CDH8: variants seen among roughly 807,000 people sequenced by gnomAD.
CDH8 encodes the protein cadherin-8.
A neutral mutation model predicts 68.1 loss-of-function variants in CDH8; 17 were observed. The ratio of observed to expected loss-of-function variants is 0.25; its 90% confidence interval spans 0.17 to 0.37. The LOEUF (loss-of-function observed/expected upper bound fraction) is 0.37, where lower values mean the gene tolerates loss of function less well. CDH8 is among the 10% of genes least tolerant of loss of function. The pLI is 1.00. For synonymous variants in CDH8, 372 were observed against 365.1 expected (o/e 1.02, Z -0.21); for missense variants, 763 against 999.3 (o/e 0.76, Z 3.19).
intron 10 of CDH8, among the ~76,000 whole-genome samples, chr16:61,694,441 ATGATGGAGTTTAGTCATATTGGGG>A (rs1168294965): frequency 2.0e-5 from 3 of 152,206 alleles, no homozygotes; most frequent in African/African-American, 7.2e-5. Context: ...CATAATGGGG[ATGATGGAGTTTAGTCATATTGGGG>A]TGATGGAGTT....
intron 2 of CDH8, among the ~76,000 whole-genome samples, chr16:61,927,878 T>C (rs1451740180): frequency 3.3e-5 from 5 of 152,216 alleles, no homozygotes; most frequent in Admixed American, 6.5e-5. Flanking sequence ...AGTTAAAATA[T>C]TTGAAAATCA....
chr16:62,013,435 T>C (rs1408958385), intron 2 of CDH8, among the ~76,000 whole-genome samples: 1 of 152,162 alleles, frequency 6.6e-6, no homozygotes, highest in African/African-American at 2.4e-5. Flanking sequence ...TGGCTCATTA[T>C]TTTTGTAAAT....
At chr16:61,877,004 A>G (rs769078237) in intron 3 of CDH8, among the ~76,000 whole-genome samples, 5 of 152,164 alleles carry the variant, frequency 3.3e-5, no homozygotes, top group Non-Finnish European at 7.3e-5. Flanking sequence ...CAATACTACT[A>G]TATAACATAT....
At chr16:61,816,813 C>T (rs979411791) in intron 7 of CDH8, among the ~76,000 whole-genome samples, 1 of 151,822 alleles carries the variant, frequency 6.6e-6, no homozygotes, top group African/African-American at 2.4e-5. Flanking sequence ...GACAGAAAAG[C>T]TTTAATAAAG....
At chr16:61,793,360 G>A (rs1961423326) in intron 7 of CDH8, among the ~76,000 whole-genome samples, 1 of 151,682 alleles carries the variant, frequency 6.6e-6, no homozygotes, top group South Asian at 2.1e-4. Context: ...CATCACCCAG[G>A]TCTTAAGCCT....
chr16:61,779,968 G>A (rs962738016), intron 8 of CDH8, among the ~76,000 whole-genome samples: 1 of 152,120 alleles, frequency 6.6e-6, no homozygotes, highest in African/African-American at 2.4e-5. Context: ...CATATATTCT[G>A]CAGTTAAACA....
chr16:61,996,690 T>C (rs548002806), intron 2 of CDH8, among the ~76,000 whole-genome samples: 1 of 152,296 alleles, frequency 6.6e-6, no homozygotes, highest in East Asian at 1.9e-4. Flanking sequence ...AATTATATTA[T>C]ATCAATCAGG....
At chr16:61,904,097 G>A (rs1275595323) in intron 2 of CDH8, among the ~76,000 whole-genome samples, 1 of 152,036 alleles carries the variant, frequency 6.6e-6, no homozygotes, top group African/African-American at 2.4e-5. Flanking sequence ...CCTATTATTT[G>A]TATCACACAC....
chr16:61,735,760 A>G (rs1959661207), intron 8 of CDH8, among the ~76,000 whole-genome samples: 1 of 152,052 alleles, frequency 6.6e-6, no homozygotes, highest in African/African-American at 2.4e-5. Context: ...AAAAATTAGG[A>G]AAAGTACTTT....
chr16:61,938,112 G>C (rs919960603), intron 2 of CDH8: 1 of 152,084 alleles, frequency 6.6e-6, no homozygotes, highest in Non-Finnish European at 1.5e-5. Flanking sequence ...AAAAGTAATA[G>C]AGATTTTTTT....
At chr16:61,950,839 T>C (rs1382274643) in intron 2 of CDH8, among the ~76,000 whole-genome samples, 1 of 152,008 alleles carries the variant, frequency 6.6e-6, no homozygotes, top group Non-Finnish European at 1.5e-5. Context: ...GGAAGCTAAA[T>C]GATGAGAATT....
At chr16:61,994,472 C>T (rs1025772927) in intron 2 of CDH8, among the ~76,000 whole-genome samples, 8 of 152,112 alleles carry the variant, frequency 5.3e-5, no homozygotes, top group Non-Finnish European at 7.3e-5. Context: ...TATTGAAGAA[C>T]GTAGCACATA....
At chr16:61,718,946 A>T (rs542622917) in intron 9 of CDH8, among the ~76,000 whole-genome samples, 1 of 151,110 alleles carries the variant, frequency 6.6e-6, no homozygotes, top group Non-Finnish European at 1.5e-5. Context: ...TAAATAAGAA[A>T]TTTTATCAAA....
At chr16:61,924,879 T>C (rs1343542333) in intron 2 of CDH8, among the ~76,000 whole-genome samples, 1 of 152,170 alleles carries the variant, frequency 6.6e-6, no homozygotes, top group East Asian at 1.9e-4. Context: ...ACTCTTAATG[T>C]AGGATTTCCA....
In CDH8 at chr16:61,984,448, T is replaced by C. The variant is rs897171734; in HGVS notation, c.252+36704A>G. Among the ~76,000 whole-genome samples, 5 of 151,302 alleles carry C rather than the reference T, an allele frequency of 3.3e-5. No homozygotes were observed. The East Asian group carries it at 7.8e-4, about 24-fold the overall frequency. On this transcript the variant is annotated intron_variant, in intron 2 of 11. Transcript: ENST00000577390. ...TTTTCCTCATCTTTTGCTCATTTTG[T>C]CTTTTACGTTTTTTTTTTTTTAATA...
At chr16:61,872,313 T>C (rs1439457410) in intron 3 of CDH8, among the ~76,000 whole-genome samples, 1 of 152,214 alleles carries the variant, frequency 6.6e-6, no homozygotes, top group East Asian at 1.9e-4. Context: ...TGATAACATG[T>C]GCCCAAGGTG....
rs367831739 is a variant in CDH8, at chr16:61,973,006, A to C, written c.252+48146T>G. 3.3e-4 allele frequency among the ~76,000 whole-genome samples: 50 copies of C among 152,342 alleles called. No individual in the cohort carries two copies. The South Asian group carries it at 9.7e-3, about 30-fold the overall frequency. On this transcript the variant is annotated intron_variant, in intron 2 of 11. Coordinates refer to ENST00000577390, the MANE Select transcript of CDH8 (RefSeq NM_001796.5). ...GAAAATTCAAGTCTAAATAGCTGAAAATACAAAAGTAATTCTGAGGCTTAG... is the reference window on the plus strand; with the variant it reads ...GAAAATTCAAGTCTAAATAGCTGAACATACAAAAGTAATTCTGAGGCTTAG...
In CDH8 at chr16:61,758,684, C is replaced by T. The variant is rs151270617; in HGVS notation, c.1414+30662G>A. ...CTGACCTCAAGTGATCCGCCCACCT[C>T]GGCTTCCCAATGTTTGAGTTTGAAA... On this transcript the variant is annotated intron_variant, in intron 8 of 11. Coordinates refer to ENST00000577390, the MANE Select transcript of CDH8 (RefSeq NM_001796.5). Among the ~76,000 whole-genome samples the T allele has an allele frequency of 5.9e-3, 900 of 152,208 alleles. 6 individuals are homozygous for T. Among genetic ancestry groups the T allele is most frequent in the African/African-American group, 0.02 (820 of 41,540 alleles).
rs7500630 is a variant in CDH8, at chr16:62,022,522, G to T, written c.-199-920C>A. 7.2e-5 allele frequency among the ~76,000 whole-genome samples: 11 copies of T among 152,180 alleles called. 1 individual carries two copies. The South Asian group carries it at 2.3e-3, about 32-fold the overall frequency. On this transcript the variant is annotated intron_variant, in intron 1 of 11. Coordinates refer to ENST00000577390, the MANE Select transcript of CDH8 (RefSeq NM_001796.5). ...GATACATTTTTTGCTTACCCTCAGC[G>T]TGGCAAAATGTGTTTCTTTACTCTC...
Sources: allele counts gnomAD v4.1 joint callset (sites outside exome capture counted in the v4.1 genomes callset), GRCh38; gene constraint gnomAD v4.1.1; transcripts MANE v1.5; gene names NCBI Gene and HGNC (gene_info 2026-07-23, HGNC 2026-07-21).